The following SCGB2B2 variants were observed in gnomAD, a reference collection of about 807,000 sequenced individuals.
SCGB2B2 encodes secretoglobin family 2B member 2, also known as secretoglobin-like protein.
A neutral mutation model predicts 7.6 loss-of-function variants in SCGB2B2; 11 were observed. The ratio of observed to expected loss-of-function variants is 1.45; its 90% CI spans 0.91 to 2.40. The LOEUF (loss-of-function observed/expected upper bound fraction) is 2.40, where lower values mean the gene tolerates loss of function less well. SCGB2B2 is among the 30% of genes most tolerant of loss of function. The probability of loss-of-function intolerance (pLI) is 0.00; values close to 1 mark genes in which losing one functional copy is unlikely to be tolerated. For missense variants in SCGB2B2, 104 were observed against 115.4 expected, an observed-to-expected ratio of 0.90 and a Z score of 0.45; for synonymous variants, 50 against 48.6, an observed-to-expected ratio of 1.03 and a Z score of -0.12.
chr19:34,669,555 G>A (rs1222542063), intron 1 of SCGB2B2, among the ~76,000 whole-genome samples: 2 of 152,150 alleles, frequency 1.3e-5, no homozygotes, highest in African/African-American at 4.8e-5. Context: ...ATAGTGCTCA[G>A]CCTGCTCCCA....
At chr19:34,648,995 C>T (rs551488315) in intron 1 of SCGB2B2, among the ~76,000 whole-genome samples, 52 of 152,190 alleles carry the variant, frequency 3.4e-4, no homozygotes, top group African/African-American at 9.2e-4. Context: ...CTCCGGCTCC[C>T]GGGTTCAAGC....
chr19:34,585,711 T>A (rs73594652), downstream of SCGB2B2, among the ~76,000 whole-genome samples: 5,914 of 152,056 alleles, frequency 0.039, 334 homozygotes, highest in African/African-American at 0.12. Flanking sequence ...GAATAGGGAG[T>A]CAAAGCTGTC....
intron 1 of SCGB2B2, among the ~76,000 whole-genome samples, chr19:34,597,701 C>T (rs74908915): frequency 0.011 from 1,626 of 152,292 alleles, 18 homozygotes; most frequent in South Asian, 0.053. Flanking sequence ...TTCCCTGCAC[C>T]CTCATGGCCA....
chr19:34,639,633 A>T (rs946772635), intron 1 of SCGB2B2, among the ~76,000 whole-genome samples: 5 of 152,212 alleles, frequency 3.3e-5, no homozygotes, highest in African/African-American at 9.7e-5. Context: ...TTCAGGAGCC[A>T]TCAGGCTTAC....
intron 1 of SCGB2B2, among the ~76,000 whole-genome samples, chr19:34,616,408 G>A (rs998331054): frequency 1.6e-5 from 2 of 123,142 alleles, no homozygotes; most frequent in African/African-American, 5.4e-5. Context: ...GTATCTCATT[G>A]TGGTTTTGAT....
chr19:34,617,707 A>C (rs1463938386), intron 1 of SCGB2B2, among the ~76,000 whole-genome samples: 1 of 152,242 alleles, frequency 6.6e-6, no homozygotes, highest in Non-Finnish European at 1.5e-5. Context: ...CCCTGGCTAG[A>C]ACTTCCAACA....
intron 1 of SCGB2B2, among the ~76,000 whole-genome samples, chr19:34,604,849 TTTATTA>T (rs1262555944): frequency 6.6e-6 from 1 of 152,212 alleles, no homozygotes; most frequent in Non-Finnish European, 1.5e-5. Context: ...TATTTTTATT[TTTATTA>T]TAACAGCTTT....
downstream of SCGB2B2, among the ~76,000 whole-genome samples, chr19:34,588,848 C>G (rs2065238507): frequency 6.6e-6 from 1 of 152,084 alleles, no homozygotes; most frequent in Non-Finnish European, 1.5e-5. Flanking sequence ...TCACTCTTGA[C>G]TTGGAGAAGG....
At chr19:34,633,542 G>A (rs2066593068) in intron 1 of SCGB2B2, among the ~76,000 whole-genome samples, 2 of 152,116 alleles carry the variant, frequency 1.3e-5, no homozygotes, top group Admixed American at 1.3e-4. Context: ...TTCCATTTAT[G>A]TAAAGTTTTA....
At chr19:34,654,791 G>A (rs770062175) in intron 1 of SCGB2B2, among the ~76,000 whole-genome samples, 2 of 150,764 alleles carry the variant, frequency 1.3e-5, no homozygotes, top group Non-Finnish European at 2.9e-5. Context: ...CCCACCAAGA[G>A]TCTTTGAAAA....
chr19:34,656,934 G>A lies in SCGB2B2; in HGVS notation c.-2032+18696C>T, dbSNP rs921510760. Among the ~76,000 whole-genome samples, 31 of 151,164 alleles carry A rather than the reference G, an allele frequency of 2.1e-4. 4 individuals are homozygous for A. Among genetic ancestry groups the A allele is most frequent in the African/African-American group, 7.6e-4 (31 of 40,584 alleles). On this transcript the variant is annotated intron_variant, in intron 1 of 3. Coordinates refer to ENST00000601241, the MANE Select transcript of SCGB2B2 (RefSeq NM_001025591.4). ...ACTTTCACCATTGCTATCTAACATT[G>A]TACTAGAGATTCTACAAGTGGAATA... is the stretch of plus-strand genomic sequence containing the variant.
chr19:34,658,160 G>A (rs1041588756), intron 1 of SCGB2B2, among the ~76,000 whole-genome samples: 14 of 152,062 alleles, frequency 9.2e-5, no homozygotes, highest in African/African-American at 2.4e-4. Context: ...ATCTAAAATC[G>A]ACACCCTAAC....
chr19:34,623,134 A>G (rs2145905927), intron 1 of SCGB2B2, among the ~76,000 whole-genome samples: 1 of 152,262 alleles, frequency 6.6e-6, no homozygotes, highest in East Asian at 1.9e-4. Flanking sequence ...TATGAGACAC[A>G]AAGTTCATCT....
At chr19:34,600,855 TAAA>T (rs1417064396) in intron 1 of SCGB2B2, among the ~76,000 whole-genome samples, 1 of 152,136 alleles carries the variant, frequency 6.6e-6, no homozygotes, top group African/African-American at 2.4e-5. Flanking sequence ...ATGATTTTAA[TAAA>T]AAGAAGTTTA....
chr19:34,597,594 C>G (rs1464083361), intron 1 of SCGB2B2, among the ~76,000 whole-genome samples: 1 of 152,242 alleles, frequency 6.6e-6, no homozygotes, highest in Admixed American at 6.5e-5. Context: ...TCACTGTGGT[C>G]TGGGCTATGC....
At chr19:34,622,577 C>T (rs935629231) in intron 1 of SCGB2B2, among the ~76,000 whole-genome samples, 1 of 152,170 alleles carries the variant, frequency 6.6e-6, no homozygotes, top group Admixed American at 6.5e-5. Flanking sequence ...AGGTACTTTA[C>T]TGAAGTTTGA....
intron 1 of SCGB2B2, among the ~76,000 whole-genome samples, chr19:34,639,013 A>G (rs1292915889): frequency 6.6e-6 from 1 of 152,224 alleles, no homozygotes; most frequent in Non-Finnish European, 1.5e-5. Flanking sequence ...ACATATGTAC[A>G]GCTCTCCTAA....
At chr19:34,634,843 C>A in intron 1 of SCGB2B2, 1 of 260,956 alleles carries the variant, frequency 3.8e-6, no homozygotes, top group East Asian at 1.0e-4. Context: ...TCGCTGCACA[C>A]ATAGGGCCTT....
chr19:34,613,770 C>T (rs961256615), intron 1 of SCGB2B2, among the ~76,000 whole-genome samples: 1 of 152,132 alleles, frequency 6.6e-6, no homozygotes, highest in Non-Finnish European at 1.5e-5. Flanking sequence ...CTTTTTGCCT[C>T]CAGATGTAGT....
Sources: gnomAD v4.1 joint callset for allele counts (sites outside exome capture counted in the v4.1 genomes callset) on GRCh38, gnomAD v4.1.1 for gene constraint, MANE v1.5 for transcripts, NCBI Gene and HGNC (gene_info 2026-07-23, HGNC 2026-07-21) for gene names.